The following BEND5 variants were observed in gnomAD, a reference collection of about 807,000 sequenced individuals.
BEND5 encodes the protein BEN domain-containing protein 5.
In BEND5, 22 loss-of-function variants were observed where a neutral mutation model predicts 43.9. The observed-to-expected ratio is 0.50, with a 90% CI of 0.36 to 0.72. The LOEUF (loss-of-function observed/expected upper bound fraction) is 0.72. Ranked by LOEUF, BEND5 falls within the 30% of genes least tolerant of loss-of-function variation. The pLI is 0.00. For missense variants in BEND5, 428 were observed against 550.6 expected (o/e 0.78, Z 2.23); for synonymous variants, 228 against 225.9 (o/e 1.01, Z -0.08).
intron 1 of BEND5, among the ~76,000 whole-genome samples, chr1:48,769,561 ACACACACAC>A (rs987547631): frequency 2.7e-5 from 4 of 147,618 alleles, no homozygotes; most frequent in African/African-American, 7.7e-5. Context: ...ACACACACAC[ACACACACAC>A]AAGTTAAATT....
chr1:48,734,005 G>A (rs1447160760), intron 5 of BEND5, among the ~76,000 whole-genome samples: 15 of 152,206 alleles, frequency 9.9e-5, no homozygotes, highest in Non-Finnish European at 1.5e-5. Context: ...CCTGAGTCAC[G>A]TTCCAACAAA....
intron 5 of BEND5, among the ~76,000 whole-genome samples, chr1:48,729,836 T>C (rs763039341): frequency 7.2e-5 from 11 of 152,098 alleles, no homozygotes; most frequent in Non-Finnish European, 1.5e-4. Flanking sequence ...AGTCACTTCC[T>C]GACTATTCCC....
rs148343298 is a variant in BEND5, at chr1:48,755,187, C to T, written c.745+3713G>A. Among the ~76,000 whole-genome samples, 237 of 152,264 alleles carry T rather than the reference C, an allele frequency of 1.6e-3. 1 individual carries two copies. Among genetic ancestry groups the T allele is most frequent in the Non-Finnish European group, 2.2e-3 (152 of 68,012 alleles). On this transcript the variant is annotated intron_variant, in intron 3 of 5. Transcript: ENST00000371833. ...TTCTGACCCCAACCTTTCCAAGGTG[C>T]GCCATTACAACTCCTGGCTGCTGAC... is the stretch of plus-strand genomic sequence containing the variant.
At chr1:48,776,551 CCGGGGTCCCA>C in intron 1 of BEND5, 45 bp downstream of exon 1, 2 of 1,295,586 alleles carry the variant, frequency 1.5e-6, no homozygotes, top group Non-Finnish European at 2.0e-6. Context: ...CCGGCCCCTC[CCGGGGTCCCA>C]GCCCCCGCCC....
intron 1 of BEND5, among the ~76,000 whole-genome samples, chr1:48,769,252 T>A (rs1358682890): frequency 6.6e-6 from 1 of 152,060 alleles, no homozygotes; most frequent in African/African-American, 2.4e-5. Flanking sequence ...ACTGAGGCCA[T>A]CCACATAGGG....
chr1:48,738,386 C>G (rs1649399371), intron 4 of BEND5, among the ~76,000 whole-genome samples: 1 of 152,208 alleles, frequency 6.6e-6, no homozygotes, highest in African/African-American at 2.4e-5. Flanking sequence ...GAAAGATAAG[C>G]AGCCTTGGAG....
intron 1 of BEND5, among the ~76,000 whole-genome samples, chr1:48,768,050 C>A (rs1570597106): frequency 6.6e-6 from 1 of 152,168 alleles, no homozygotes; most frequent in Non-Finnish European, 1.5e-5. Flanking sequence ...ACATAAATAG[C>A]AGAGCCAACA....
Position 48,759,106 on chromosome 1 carries a change from C to A in BEND5, c.539G>T (p.Arg180Leu). 1 of 1,611,616 alleles carries A rather than the reference C, an allele frequency of 6.2e-7. No homozygotes were observed. Among genetic ancestry groups the A allele is most frequent in the South Asian group, 1.1e-5 (1 of 90,652 alleles). ...MDSLEDAVVP[R>L]ALYEELLRNY... is the part of the protein sequence containing the mutation. ...GCGCAGCAGCTCCTCATACAGAGCC[C>A]GGGGCACCACAGCATCTTCTAGACT... The change falls in exon 3 of 6, where the codon CGG becomes CTG. Residue 180 changes from arginine (R) to leucine (L), a missense_variant. Coordinates refer to ENST00000371833, the MANE Select transcript of BEND5 (RefSeq NM_024603.4).
intron 2 of BEND5, chr1:48,759,490 G>A: frequency 1.9e-6 from 2 of 1,036,374 alleles, no homozygotes; most frequent in Non-Finnish European, 2.7e-6. Flanking sequence ...TCCGAGTGGG[G>A]AAGGGGCTTG....
Position 48,728,134 on chromosome 1 carries a change from A to G in BEND5, c.1109-91T>C, listed in dbSNP as rs1355828274. 8 of 1,174,248 alleles carry G rather than the reference A, an allele frequency of 6.8e-6. No homozygotes were observed. In the African/African-American group the frequency reaches 9.3e-5, roughly 14 times the overall value. The allele number at this position is 1,174,248 out of a possible 1,614,324, so 72.7% of individuals were successfully genotyped here. ...GGTAAAAGAAAATGTACCTCCCAAC[A>G]TACTTCCCAAATACCAGCTTATGTA... On this transcript the variant is annotated intron_variant, in intron 5 of 5. Transcript: ENST00000371833.
chr1:48,745,894 C>T (rs75899910), intron 3 of BEND5, among the ~76,000 whole-genome samples: 3 of 152,008 alleles, frequency 2.0e-5, no homozygotes, highest in Non-Finnish European at 2.9e-5. Context: ...ATCAGATGTA[C>T]TTGTTCGTCT....
At position 48,776,863 on chromosome 1, in the gene BEND5, A is replaced by G; in HGVS notation, c.-32T>C. On this transcript the variant is annotated 5_prime_UTR_variant, in exon 1 of 6. Transcript: ENST00000371833. ...CGCCGGGGGCGGGCCCCGGTCGGGC[A>G]GCTCAGCCCGCGGGGCGGGCGCGGA... 2 of 1,403,288 alleles carry G rather than the reference A, an allele frequency of 1.4e-6. No homozygotes were observed. Among genetic ancestry groups the G allele is most frequent in the Non-Finnish European group, 1.9e-6 (2 of 1,067,224 alleles). 86.9% of individuals were successfully genotyped at this position (1,403,288 alleles called of 1,614,324 possible).
At chr1:48,760,296 G>C (rs1644186120) in intron 2 of BEND5, among the ~76,000 whole-genome samples, 1 of 152,182 alleles carries the variant, frequency 6.6e-6, no homozygotes, top group Admixed American at 6.5e-5. Flanking sequence ...AGGGCAGGAG[G>C]GTTAGGAGCT....
intron 1 of BEND5, among the ~76,000 whole-genome samples, chr1:48,769,543 A>ACACACACACG (rs1644703113): frequency 6.9e-6 from 1 of 145,410 alleles, no homozygotes; most frequent in African/African-American, 2.6e-5. Flanking sequence ...ACACACACAC[A>ACACACACACG]CACACACACA....
At chr1:48,729,283 A>C (rs936747213) in intron 5 of BEND5, among the ~76,000 whole-genome samples, 1 of 152,232 alleles carries the variant, frequency 6.6e-6, no homozygotes, top group Non-Finnish European at 1.5e-5. Flanking sequence ...ACATATGTTA[A>C]ATAACTGAAT....
chr1:48,773,868 T>A (rs187696919), intron 1 of BEND5, among the ~76,000 whole-genome samples: 77 of 152,308 alleles, frequency 5.1e-4, no homozygotes, highest in Admixed American at 9.8e-4. Flanking sequence ...ACAGAGATAA[T>A]GTGTAGGCAT....
intron 4 of BEND5, among the ~76,000 whole-genome samples, chr1:48,737,795 AAC>A (rs756161898): frequency 2.6e-5 from 4 of 152,348 alleles, no homozygotes; most frequent in Non-Finnish European, 4.4e-5. Flanking sequence ...TCATTAAAAA[AAC>A]AGTGTTCACT....
intron 4 of BEND5, 127 bp downstream of exon 4, chr1:48,742,496 G>T: frequency 1.0e-6 from 1 of 958,560 alleles, no homozygotes; most frequent in Non-Finnish European, 1.4e-6. Flanking sequence ...TCCAGAAACA[G>T]TCATTCAGGG....
intron 1 of BEND5, among the ~76,000 whole-genome samples, chr1:48,766,902 T>G (rs1046966435): frequency 1.2e-4 from 18 of 152,234 alleles, no homozygotes; most frequent in African/African-American, 3.6e-4. Flanking sequence ...CCTTGTGTTT[T>G]TGGTCCTTAC....
Sources: gnomAD v4.1 joint callset for allele counts (sites outside exome capture counted in the v4.1 genomes callset) on GRCh38, gnomAD v4.1.1 for gene constraint, MANE v1.5 for transcripts, NCBI Gene and HGNC (gene_info 2026-07-23, HGNC 2026-07-21) for gene names.